Variants in LAMA5 observed in about 807,000 individuals in gnomAD.
LAMA5 encodes laminin subunit alpha 5.
LAMA5 carries 260 observed loss-of-function variants against 433.4 expected under a neutral mutation model. The observed-to-expected ratio is 0.60, with a 90% confidence interval of 0.54 to 0.66. The LOEUF (loss-of-function observed/expected upper bound fraction) is 0.66, where lower values mean the gene tolerates loss of function less well. LAMA5 is among the 30% of genes least tolerant of loss of function. LAMA5 has a pLI of 0.00. For missense variants in LAMA5, 5,378 were observed against 5,258.5 expected (o/e 1.02, Z -0.70); for synonymous variants, 2,620 against 2,226.6 (o/e 1.18, Z -4.97).
chr20:62,331,678 G>C (rs915560774), intron 28 of LAMA5, among the ~76,000 whole-genome samples: 8 of 152,208 alleles, frequency 5.3e-5, no homozygotes, highest in African/African-American at 1.9e-4. Flanking sequence ...ATGTGAGGTT[G>C]GTGTCTCGGA....
chr20:62,329,822 C>T lies in LAMA5; in HGVS notation c.4074G>A (p.Glu1358=), dbSNP rs1980019171. The T allele has an allele frequency of 6.2e-7, 1 of 1,612,314 alleles. No homozygotes were observed. The highest frequency in any genetic ancestry group is 1.3e-5 in the African/African-American group (1 of 74,952). ...GQALLDVTHS[E]LTVTVRVPKG... is the part of the protein sequence containing the mutation. ...TGGGCACACGCACGGTCACAGTGAG[C>T]TCGCTGTGGGTCACGTCCAGCAGGG... is the stretch of plus-strand genomic sequence containing the variant. Residue 1358 remains glutamate (E), a synonymous_variant, in exon 32 of 80, where the codon GAG becomes GAA. Coordinates refer to ENST00000252999, the MANE Select transcript of LAMA5 (RefSeq NM_005560.6).
At chr20:62,318,674 G>T (rs1339794602) in intron 52 of LAMA5, 24 bp from the exon 53 acceptor site, 1 of 1,604,270 alleles carries the variant, frequency 6.2e-7, no homozygotes, top group East Asian at 2.2e-5. Flanking sequence ...GGGTGAGGGT[G>T]GTCACTCTGG....
At chr20:62,322,883 C>T (rs1376345879) in intron 45 of LAMA5, 125 bp from the exon 46 acceptor site, 25 of 613,074 alleles carry the variant, frequency 4.1e-5, no homozygotes, top group South Asian at 6.6e-5. Flanking sequence ...CCGGACCACC[C>T]GGCTACCCAC....
chr20:62,314,183 AG>A, intron 62 of LAMA5, 120 bp downstream of exon 62: 1 of 1,258,692 alleles, frequency 7.9e-7, no homozygotes, highest in Non-Finnish European at 1.1e-6. Context: ...CGGAGAGGCG[AG>A]GGGTGGCGAG....
At chr20:62,337,327 G>A (rs1305828917) in intron 16 of LAMA5, among the ~76,000 whole-genome samples, 2 of 152,118 alleles carry the variant, frequency 1.3e-5, no homozygotes, top group Non-Finnish European at 2.9e-5. Context: ...AGCAACACAT[G>A]ACACCCGTAC....
rs199705390 is a variant in LAMA5 at position 62,346,205 on chromosome 20, G to A, written c.1293C>T (p.Cys431=). ...AGGTGCCATCCGTGAAGTCGGACTCGCAGTTGCAGCCTGGGCAGGGGCAGG... is the reference window on the plus strand; with the variant it reads ...AGGTGCCATCCGTGAAGTCGGACTCACAGTTGCAGCCTGGGCAGGGGCAGG... ...DSPHVCRRCN[C]ESDFTDGTCE... is the part of the protein sequence containing the mutation. Residue 431 remains cysteine (C), a synonymous_variant, in exon 10 of 80, where the codon TGC becomes TGT. Coordinates refer to ENST00000252999, the MANE Select transcript of LAMA5 (RefSeq NM_005560.6). 6.7e-5 allele frequency: 108 copies of A among 1,611,544 alleles called. 1 individual carries two copies. The highest frequency in any genetic ancestry group is 3.3e-4 in the Middle Eastern group (2 of 6,056).
rs1281663696 is a variant in LAMA5, at chr20:62,325,451, G to A, written c.5394C>T (p.Leu1798=). The A allele has an allele frequency of 1.2e-6, 2 of 1,612,476 alleles. No individual in the cohort carries two copies. The highest frequency in any genetic ancestry group is 2.2e-5 in the East Asian group (1 of 44,882). The change falls in exon 41 of 80, where the codon CTC becomes CTT. Residue 1798 remains leucine (L), a synonymous_variant. Coordinates refer to ENST00000252999, the MANE Select transcript of LAMA5 (RefSeq NM_005560.6). ...ASLEQLQIRA[L]FSQISSAVFL... is the part of the protein sequence containing the mutation. ...AGACAGCCGAGGAGATCTGTGAGAA[G>A]AGGGCACGGATCTGCAGCTGCTCCA...
chr20:62,348,749 G>A (rs1983747233), intron 6 of LAMA5, among the ~76,000 whole-genome samples: 1 of 152,114 alleles, frequency 6.6e-6, no homozygotes, highest in East Asian at 1.9e-4. Context: ...AAGACTCAAT[G>A]GATGGGCTAA....
At chr20:62,352,439 TC>T in intron 3 of LAMA5, 79 bp from the exon 4 acceptor site, 1 of 1,070,570 alleles carries the variant, frequency 9.3e-7, no homozygotes, top group Non-Finnish European at 1.4e-6. Context: ...CCCCTTGACG[TC>T]TCCGGGCCTT....
rs781472430 is a variant in LAMA5, at chr20:62,333,090, A to G, written c.3282T>C (p.Asp1094=). The change falls in exon 26 of 80, where the codon GAT becomes GAC. Residue 1094 remains aspartate (D), a splice_region_variant and synonymous_variant. Transcript: ENST00000252999. ...CTCCGTGGGGTCCCAGGACACGCAC[A>G]TCACTGCCCGTGCAGGTGATCAGTG... ...HPPLITCTGS[D]VDVQLQVAVP... 2.7e-6 allele frequency: 4 copies of G among 1,501,480 alleles called. No individual in the cohort carries two copies. The highest frequency in any genetic ancestry group is 1.4e-5 in the African/African-American group (1 of 71,394). The allele number at this position is 1,501,480 out of a possible 1,614,324, so 93.0% of individuals were successfully genotyped here. A position where few individuals can be genotyped will look rare whatever the true frequency, so the allele number is the denominator to read the frequency against.
At position 62,338,520 on chromosome 20, in the gene LAMA5, T is replaced by C. The variant is rs148114595; in HGVS notation, c.1566A>G (p.Gln522=). 3.9e-5 allele frequency: 62 copies of C among 1,610,258 alleles called. No homozygotes were observed. The African/African-American group carries it at 7.5e-4, about 19-fold the overall frequency. ...GCGCGCAGAGCTCACAATGGGTGCC[T>C]TGGAAGTTGGGTTTGCACAGACAGC... ...VGRCLCKPNF[Q]GTHCELCAPG... is the part of the protein sequence containing the mutation. Residue 522 remains glutamine (Q), a synonymous_variant, in exon 12 of 80, where the codon CAA becomes CAG. Coordinates refer to ENST00000252999, the MANE Select transcript of LAMA5 (RefSeq NM_005560.6).
At chr20:62,309,642 G>GGGGGTGGGGGGGT in intron 79 of LAMA5, 74 bp downstream of exon 79, 1 of 855,520 alleles carries the variant, frequency 1.2e-6, no homozygotes, top group Non-Finnish European at 1.5e-6. Flanking sequence ...GGAGGGGTGG[G>GGGGGTGGGGGGGT]GGGAGGGTGG....
Position 62,322,417 on chromosome 20 carries a change from G to A in LAMA5, c.6198C>T (p.Gly2066=), listed in dbSNP as rs750207066. The stretch of plus-strand genomic sequence containing the variant: ...CCGGTCCACAAGCACACGGGCGGCA[G>A]CCCCCGCAGCCATCGAAACCAAAAT... ...EGHFGFDGCG[G]CRPCACGPAA... Residue 2066 remains glycine (G), a synonymous_variant, in exon 47 of 80, where the codon GGC becomes GGT. Transcript: ENST00000252999. 2 of 1,592,098 alleles carry A rather than the reference G, an allele frequency of 1.3e-6. No individual in the cohort carries two copies. Among genetic ancestry groups the A allele is most frequent in the South Asian group, 1.1e-5 (1 of 88,404 alleles).
Position 62,333,087 on chromosome 20 carries a change from C to G in LAMA5, c.3282+3G>C. The G allele has an allele frequency of 6.7e-7, 1 of 1,499,882 alleles. No homozygotes were observed. The allele number at this position is 1,499,882 out of a possible 1,614,324, so 92.9% of individuals were successfully genotyped here. On this transcript the variant is annotated splice_donor_region_variant and intron_variant, in intron 26 of 79. Coordinates refer to ENST00000252999, the MANE Select transcript of LAMA5 (RefSeq NM_005560.6). The stretch of plus-strand genomic sequence containing the variant: ...TTGCTCCGTGGGGTCCCAGGACACG[C>G]ACATCACTGCCCGTGCAGGTGATCA...
At position 62,334,552 on chromosome 20, in the gene LAMA5, C is replaced by T. The variant is rs753809182; in HGVS notation, c.2552G>A (p.Arg851His). ...CEPRTGVCRC[R>H]PNTQGPTCSE... is the part of the protein sequence containing the mutation. Reference sequence around the variant, plus strand: ...GCAGGTGGGGCCCTGGGTGTTGGGGCGGCACCGGCAGACGCCCGTCCTCGG... The same window carrying T: ...GCAGGTGGGGCCCTGGGTGTTGGGGTGGCACCGGCAGACGCCCGTCCTCGG... The change falls in exon 21 of 80, where the codon CGC becomes CAC. Residue 851 changes from arginine (R) to histidine (H), a missense_variant. By Grantham distance (29) the Arg-to-His change is conservative. Coordinates refer to ENST00000252999, the MANE Select transcript of LAMA5 (RefSeq NM_005560.6). 1.2e-5 allele frequency: 18 copies of T among 1,548,378 alleles called. No homozygotes were observed. The highest frequency in any genetic ancestry group is 4.8e-5 in the South Asian group (4 of 84,020).
chr20:62,342,576 G>A (rs1006307581), intron 11 of LAMA5, among the ~76,000 whole-genome samples: 1 of 152,136 alleles, frequency 6.6e-6, no homozygotes, highest in Non-Finnish European at 1.5e-5. Flanking sequence ...CTACTCAGGA[G>A]GCTGAGGCAG....
rs1302961142 is a variant in LAMA5, at chr20:62,359,937, C to T, written c.450+2463G>A. Among the ~76,000 whole-genome samples, 1 of 149,468 alleles carries T rather than the reference C, an allele frequency of 6.7e-6. No homozygotes were observed. Among genetic ancestry groups the T allele is most frequent in the South Asian group, 2.1e-4 (1 of 4,692 alleles). On this transcript the variant is annotated intron_variant, in intron 2 of 79. Transcript: ENST00000252999. The surrounding 1 kb of genome is among the most constrained non-coding windows in gnomAD (Gnocchi z 4.3). ...CCTTCCCGATGCCCAGTGCCAGCCG[C>T]CCCCACCCCCGTCCCAGGGCATCCG...
At position 62,311,519 on chromosome 20, in the gene LAMA5, C is replaced by T. The variant is rs766675898; in HGVS notation, c.9824G>A (p.Arg3275His). The T allele has an allele frequency of 5.3e-5, 85 of 1,609,896 alleles. No homozygotes were observed. Among genetic ancestry groups the T allele is most frequent in the East Asian group, 3.6e-4 (16 of 44,814 alleles). Residue 3275 changes from arginine (R) to histidine (H), a missense_variant, in exon 72 of 80, where the codon CGC (arginine) becomes CAC (histidine). By Grantham distance (29) the Arg-to-His change is conservative. Transcript: ENST00000252999. ...VFVQRLLGPQRVFDLQQNLGS... is the reference protein window; with the variant it reads ...VFVQRLLGPQHVFDLQQNLGS... ...CAGGTTCTGCTGCAGATCAAATACG[C>T]GCTGTGGGCCCAGGAGCCTGTGCAG...
chr20:62,336,981 C>A, intron 16 of LAMA5, 195 bp from the exon 17 acceptor site: 1 of 696,354 alleles, frequency 1.4e-6, no homozygotes, highest in Non-Finnish European at 2.6e-6. Flanking sequence ...TCCCACCACA[C>A]AGCACCTGCT....
Sources: gnomAD v4.1 joint callset for allele counts (sites outside exome capture counted in the v4.1 genomes callset) on GRCh38, gnomAD v4.1.1 for gene constraint, Gnocchi (gnomAD v3.1) non-coding constraint, MANE v1.5 for transcripts, NCBI Gene and HGNC (gene_info 2026-07-23, HGNC 2026-07-21) for gene names.